The following RARRES1 variants were observed in gnomAD, a reference collection of about 807,000 sequenced individuals.
The protein encoded by RARRES1 is retinoic acid receptor responder protein 1.
In RARRES1, 34 loss-of-function variants were observed where a neutral mutation model predicts 30.6. The observed-to-expected ratio is 1.11, with a 90% CI of 0.84 to 1.48. RARRES1 has a LOEUF of 1.48. Among genes scored for constraint, RARRES1 ranks in the 40% most tolerant of loss-of-function variants. RARRES1 has a pLI of 0.00. For synonymous variants in RARRES1, 153 were observed against 155.5 expected, an observed-to-expected ratio of 0.98 and a Z score of 0.12; for missense variants, 373 against 386.5, an observed-to-expected ratio of 0.97 and a Z score of 0.29.
At position 158,730,703 on chromosome 3, in the gene RARRES1, C is replaced by T. The variant is rs188513282; in HGVS notation, c.276+1437G>A. 1.1e-3 allele frequency among the ~76,000 whole-genome samples: 165 copies of T among 152,240 alleles called. 1 individual carries two copies. Among genetic ancestry groups the T allele is most frequent in the African/African-American group, 3.7e-3 (153 of 41,564 alleles). On this transcript the variant is annotated intron_variant, in intron 1 of 5. Coordinates refer to ENST00000237696, the MANE Select transcript of RARRES1 (RefSeq NM_206963.2). ...CTGAGCTCAAGCGATTTGCCCACCT[C>T]GGCCTCCCAAAGTGCTGAGATTACA...
Position 158,704,833 on chromosome 3 carries a change from C to G in RARRES1, c.630G>C (p.Val210=). Residue 210 remains valine (V), a synonymous_variant, in exon 4 of 6, where the codon GTG becomes GTC. Transcript: ENST00000237696. The part of the protein sequence containing the change: ...SYVMWEMTTQ[V]SHYYLAQLTS... ...TGAGCTGTGCCAAGTAGTAGTGTGACACCTGTGTTGTCATTTCCCACATCA... is the reference window on the plus strand; with the variant it reads ...TGAGCTGTGCCAAGTAGTAGTGTGAGACCTGTGTTGTCATTTCCCACATCA... 1 of 1,614,084 alleles carries G rather than the reference C, an allele frequency of 6.2e-7. No homozygotes were observed. The highest frequency in any genetic ancestry group is 8.5e-7 in the Non-Finnish European group (1 of 1,180,000).
intron 1 of RARRES1, among the ~76,000 whole-genome samples, chr3:158,715,094 G>A (rs551516789): frequency 2.0e-5 from 3 of 152,312 alleles, no homozygotes; most frequent in East Asian, 1.9e-4. Context: ...AGGGCTCATC[G>A]TCAGTCTTCA....
Position 158,723,002 on chromosome 3 carries a change from G to T in RARRES1, c.276+9138C>A, listed in dbSNP as rs1177125397. 6.6e-6 allele frequency among the ~76,000 whole-genome samples: 1 copy of T among 152,142 alleles called. No individual in the cohort carries two copies. The highest frequency in any genetic ancestry group is 1.5e-5 in the Non-Finnish European group (1 of 68,034). ...GAAACCTCGCTGTGCACCACCCCAT[G>T]GAGGAGTCTCCAAAGACATGATTCT... On this transcript the variant is annotated intron_variant, in intron 1 of 5. Coordinates refer to ENST00000237696, the MANE Select transcript of RARRES1 (RefSeq NM_206963.2). This position sits in a 1 kb window ranked among gnomAD's most constrained non-coding sequence, Gnocchi z 4.4.
intron 1 of RARRES1, 46 bp downstream of exon 1, chr3:158,732,094 G>T: frequency 7.7e-7 from 1 of 1,300,812 alleles, no homozygotes; most frequent in Non-Finnish European, 9.7e-7. Flanking sequence ...CCAGCGCCGT[G>T]CGCGGACAGG....
At chr3:158,724,364 A>G (rs899586176) in intron 1 of RARRES1, among the ~76,000 whole-genome samples, 1 of 152,188 alleles carries the variant, frequency 6.6e-6, no homozygotes, top group East Asian at 1.9e-4. Context: ...GGATTTTGCC[A>G]ATGTGATTAA....
chr3:158,720,228 CT>C (rs1727461146), intron 1 of RARRES1, among the ~76,000 whole-genome samples: 1 of 96,728 alleles, frequency 1.0e-5, no homozygotes, highest in South Asian at 4.3e-4. Flanking sequence ...TAAAAGCTGG[CT>C]GCTGGTGTGT....
At position 158,732,176 on chromosome 3, in the gene RARRES1, T is replaced by G; in HGVS notation, c.240A>C (p.Leu80=). 1 of 1,412,580 alleles carries G rather than the reference T, an allele frequency of 7.1e-7. No individual in the cohort carries two copies. Among genetic ancestry groups the G allele is most frequent in the Non-Finnish European group, 9.2e-7 (1 of 1,089,512 alleles). The allele number at this position is 1,412,580 out of a possible 1,614,324, so 87.5% of individuals were successfully genotyped here. Residue 80 remains leucine (L), a synonymous_variant, in exon 1 of 6, where the codon CTA becomes CTC. Coordinates refer to ENST00000237696, the MANE Select transcript of RARRES1 (RefSeq NM_206963.2). ...FNFRSGSPSA[L]RVLAEVQEGR... ...CCTCCTGCACCTCGGCCAGCACTCG[T>G]AGCGCGCTGGGCGAGCCGGACCGGA...
In RARRES1 at chr3:158,710,696, C is replaced by T. The variant is rs770431752; in HGVS notation, c.535+42G>A. 5 of 1,502,314 alleles carry T rather than the reference C, an allele frequency of 3.3e-6. No individual in the cohort carries two copies. The East Asian group carries it at 9.1e-5, about 27-fold the overall frequency. 93.1% of individuals were successfully genotyped at this position (1,502,314 alleles called of 1,614,324 possible). On this transcript the variant is annotated intron_variant, in intron 3 of 5. Transcript: ENST00000237696. ...CTTTCTTTTAAGGATTTAGTTATTA[C>T]ATACATTCCTGAATATAGAAATTCC...
chr3:158,715,467 A>G (rs933386834), intron 1 of RARRES1, among the ~76,000 whole-genome samples: 1 of 152,168 alleles, frequency 6.6e-6, no homozygotes, highest in African/African-American at 2.4e-5. Context: ...GTGCAAGGGC[A>G]TGGAAAGCCT....
chr3:158,714,789 T>C (rs1391390897), intron 1 of RARRES1, among the ~76,000 whole-genome samples: 2 of 152,222 alleles, frequency 1.3e-5, no homozygotes, highest in East Asian at 3.8e-4. Flanking sequence ...TGCTGTTGTA[T>C]AGAGCTGAAG....
chr3:158,703,035 A>G (rs561270782), intron 4 of RARRES1, among the ~76,000 whole-genome samples: 7 of 152,338 alleles, frequency 4.6e-5, no homozygotes, highest in Non-Finnish European at 5.9e-5. Context: ...GGGTAAACCT[A>G]TGAACAAAAC....
At chr3:158,704,136 C>T (rs1726828972) in intron 4 of RARRES1, among the ~76,000 whole-genome samples, 1 of 151,688 alleles carries the variant, frequency 6.6e-6, no homozygotes, top group Non-Finnish European at 1.5e-5. Context: ...TGCCAGAATC[C>T]AAACATCTCT....
intron 4 of RARRES1, among the ~76,000 whole-genome samples, chr3:158,699,434 A>ACCCCCC (rs139216148): frequency 3.6e-5 from 5 of 137,858 alleles, no homozygotes; most frequent in African/African-American, 1.1e-4. Flanking sequence ...CAAAAAAGCA[A>ACCCCCC]CCCCCCCCCC....
At position 158,722,890 on chromosome 3, in the gene RARRES1, A is replaced by G. The variant is rs142459580; in HGVS notation, c.277-9031T>C. Among the ~76,000 whole-genome samples the G allele has an allele frequency of 3.3e-3, 503 of 151,778 alleles. 3 individuals carry two copies. Among genetic ancestry groups the G allele is most frequent in the African/African-American group, 0.011 (459 of 41,328 alleles). ...GAGTGAGACTCCATCTCAAAAAAAA[A>G]AAAAAAAAATCTAACATCCCCTTTA... On this transcript the variant is annotated intron_variant, in intron 1 of 5. Coordinates refer to ENST00000237696, the MANE Select transcript of RARRES1 (RefSeq NM_206963.2).
At chr3:158,710,954 C>CT in intron 2 of RARRES1, 21 bp from the exon 3 acceptor site, 2 of 1,596,430 alleles carry the variant, frequency 1.3e-6, no homozygotes, top group Admixed American at 1.7e-5. Context: ...AAACAGGATA[C>CT]TTTATCACCT....
chr3:158,707,861 A>ATG (rs1726976399), intron 3 of RARRES1, among the ~76,000 whole-genome samples: 1 of 152,212 alleles, frequency 6.6e-6, no homozygotes, highest in Admixed American at 6.5e-5. Context: ...TGGTTCCATA[A>ATG]TGCTTTCCTG....
intron 1 of RARRES1, among the ~76,000 whole-genome samples, chr3:158,724,122 CAT>C (rs765427378): frequency 6.6e-6 from 1 of 152,096 alleles, no homozygotes; most frequent in East Asian, 1.9e-4. Context: ...GGTGGGTTCA[CAT>C]GTGAGGTTAG....
chr3:158,703,500 T>C (rs949253809), intron 4 of RARRES1, among the ~76,000 whole-genome samples: 2 of 152,168 alleles, frequency 1.3e-5, no homozygotes, highest in African/African-American at 4.8e-5. Flanking sequence ...TTACTCTCCT[T>C]TATTATAGCT....
intron 4 of RARRES1, 105 bp from the exon 5 acceptor site, chr3:158,698,075 C>T: frequency 2.6e-6 from 2 of 779,406 alleles, no homozygotes; most frequent in Non-Finnish European, 4.0e-6. Context: ...CTCCTACTGC[C>T]TTTTCGATTT....
Sources: gnomAD v4.1 joint callset for allele counts (sites outside exome capture counted in the v4.1 genomes callset) on GRCh38, gnomAD v4.1.1 for gene constraint, Gnocchi (gnomAD v3.1) non-coding constraint, MANE v1.5 for transcripts, NCBI Gene and HGNC (gene_info 2026-07-23, HGNC 2026-07-21) for gene names.